Variants in KRABD3 observed in about 807,000 individuals in gnomAD.
KRABD3 encodes the protein KRAB domain-containing protein 3.
At chr7:149,722,579 G>A in the KRABD3 span, 19 of 1,599,970 alleles carry the variant, frequency 1.2e-5, no homozygotes, top group South Asian at 4.5e-5. Context: ...TCCTTAGTGG[G>A]GTAGCGATGG....
the KRABD3 span, among the ~76,000 whole-genome samples, chr7:149,726,387 A>G: frequency 6.6e-6 from 1 of 151,602 alleles, no homozygotes; most frequent in East Asian, 1.9e-4. Flanking sequence ...AGTTGAGGCC[A>G]GGAGTTTGAG....
At chr7:149,719,514 A>G in the KRABD3 span, 11 of 1,533,260 alleles carry the variant, frequency 7.2e-6, no homozygotes, top group Non-Finnish European at 9.6e-6. The surrounding 1 kb of genome is among the most constrained non-coding windows in gnomAD (Gnocchi z 5.6). Flanking sequence ...CTGGGATGGA[A>G]CAACCAACCC....
At chr7:149,733,830 G>T in the KRABD3 span, 2 of 1,603,690 alleles carry the variant, frequency 1.2e-6, no homozygotes, top group South Asian at 1.1e-5. Flanking sequence ...GGCCACCAGA[G>T]CCCCCTTCCC....
At chr7:149,729,502 T>C in the KRABD3 span, 1 of 1,259,524 alleles carries the variant, frequency 7.9e-7, no homozygotes, top group Non-Finnish European at 1.0e-6. Flanking sequence ...CAGAAGCTGG[T>C]GCCAAACAGA....
At chr7:149,732,708 G>T in the KRABD3 span, among the ~76,000 whole-genome samples, 1 of 152,184 alleles carries the variant, frequency 6.6e-6, no homozygotes, top group Non-Finnish European at 1.5e-5. The surrounding 1 kb of genome is among the most constrained non-coding windows in gnomAD (Gnocchi z 4.0). Flanking sequence ...CTTGTGGTTT[G>T]CCTGTAACGA....
the KRABD3 span, chr7:149,724,661 A>C: frequency 6.5e-7 from 1 of 1,530,970 alleles, no homozygotes; most frequent in South Asian, 1.2e-5. Flanking sequence ...GGGCCTGGAT[A>C]CCTCCTGACC....
the KRABD3 span, chr7:149,723,732 A>G: frequency 2.5e-6 from 4 of 1,584,028 alleles, no homozygotes; most frequent in Non-Finnish European, 3.4e-6. Flanking sequence ...CTTTTTCCTT[A>G]GTGAAGACCG....
chr7:149,729,217 C>T, the KRABD3 span: 32 of 1,575,322 alleles, frequency 2.0e-5, no homozygotes, highest in African/African-American at 4.1e-5. Context: ...CGAGTCAGCC[C>T]GTCTCGGGCA....
chr7:149,734,273 TTCAA>T, the KRABD3 span: 2 of 584,168 alleles, frequency 3.4e-6, no homozygotes, highest in Non-Finnish European at 5.9e-6. Flanking sequence ...TTGGCTCAGA[TTCAA>T]TCAAATGTTG....
chr7:149,723,558 C>T, the KRABD3 span: 15 of 609,078 alleles, frequency 2.5e-5, no homozygotes, highest in Admixed American at 4.6e-4. Context: ...CCCTCTTTGC[C>T]CTGTCCGGTT....
chr7:149,721,706 C>T, the KRABD3 span: 7 of 815,900 alleles, frequency 8.6e-6, no homozygotes, highest in Non-Finnish European at 1.4e-5. Flanking sequence ...CATATTTAGC[C>T]TCTGGTGTAA....
At chr7:149,730,671 C>A in the KRABD3 span, 1 of 1,386,794 alleles carries the variant, frequency 7.2e-7, no homozygotes, top group Non-Finnish European at 9.7e-7. Context: ...CTGGCTCTTG[C>A]CAGGGAGTCC....
the KRABD3 span, chr7:149,728,528 C>T: frequency 6.2e-7 from 1 of 1,613,190 alleles, no homozygotes; most frequent in Non-Finnish European, 8.5e-7. Context: ...CACAGGAAGC[C>T]CACCAGGAAG....
chr7:149,724,314 T>C, the KRABD3 span, among the ~76,000 whole-genome samples: 1 of 152,196 alleles, frequency 6.6e-6, no homozygotes. Flanking sequence ...GTTCCGTGCA[T>C]GTCACCTCAG....
chr7:149,725,221 T>A, the KRABD3 span: 1 of 1,300,194 alleles, frequency 7.7e-7, no homozygotes, highest in Admixed American at 2.5e-5. Context: ...TCGTCACCCC[T>A]GTAGAAAGCA....
the KRABD3 span, among the ~76,000 whole-genome samples, chr7:149,717,013 G>T: frequency 7.9e-5 from 12 of 152,122 alleles, no homozygotes; most frequent in African/African-American, 2.7e-4. Flanking sequence ...TGGAATTCTG[G>T]CAGCCTGGCT....
At chr7:149,730,563 GT>G in the KRABD3 span, 3 of 1,611,596 alleles carry the variant, frequency 1.9e-6, no homozygotes, top group Non-Finnish European at 2.5e-6. Context: ...AGCGGCCTCG[GT>G]GCAGGTGAGC....
chr7:149,729,347 G>A, the KRABD3 span: 3 of 1,538,444 alleles, frequency 2.0e-6, no homozygotes, highest in Non-Finnish European at 1.7e-6. Flanking sequence ...ACCAGGCCAG[G>A]AGTGTGGAGG....
At chr7:149,733,401 G>C in the KRABD3 span, 2 of 1,608,498 alleles carry the variant, frequency 1.2e-6, 1 homozygote, top group South Asian at 2.2e-5. Context: ...AAGCTGGATC[G>C]GCTCGCCACA....
Sources: allele counts gnomAD v4.1 joint callset (sites outside exome capture counted in the v4.1 genomes callset), GRCh38; gene constraint gnomAD v4.1.1; non-coding constraint Gnocchi (gnomAD v3.1); transcripts MANE v1.5; gene names NCBI Gene and HGNC (gene_info 2026-07-23, HGNC 2026-07-21).